CNTNAP2: variants seen among roughly 807,000 people sequenced by gnomAD.
CNTNAP2 encodes contactin associated protein 2.
CNTNAP2 carries 98 observed loss-of-function variants against 155.2 expected under a neutral mutation model. The observed-to-expected ratio is 0.63, with a 90% CI of 0.54 to 0.75. The LOEUF is 0.75. Among genes scored for constraint, CNTNAP2 ranks in the 30% least tolerant of loss-of-function variants. The pLI, the probability that CNTNAP2 is intolerant of heterozygous loss-of-function variation, is 0.00. For missense variants in CNTNAP2, 1,727 were observed against 1,688.1 expected (o/e 1.02, Z -0.40); for synonymous variants, 651 against 631.2 (o/e 1.03, Z -0.47).
chr7:146,930,261 A>G (rs901405198), intron 3 of CNTNAP2, among the ~76,000 whole-genome samples: 3 of 152,226 alleles, frequency 2.0e-5, no homozygotes, highest in African/African-American at 7.2e-5. Context: ...TCTACAAGCC[A>G]GAAGAGAGTG....
At chr7:147,277,089 T>C (rs1458231826) in intron 8 of CNTNAP2, among the ~76,000 whole-genome samples, 1 of 152,060 alleles carries the variant, frequency 6.6e-6, no homozygotes, top group Non-Finnish European at 1.5e-5. Flanking sequence ...CAGTAATTTA[T>C]CTTTATAAAA....
At chr7:146,231,211 G>A (rs1315699418) in intron 1 of CNTNAP2, among the ~76,000 whole-genome samples, 14 of 152,030 alleles carry the variant, frequency 9.2e-5, no homozygotes, top group Admixed American at 9.2e-4. Flanking sequence ...AATAGATATG[G>A]ATCAAGTAAG....
chr7:148,301,994 G>A (rs6972633), intron 21 of CNTNAP2, among the ~76,000 whole-genome samples: 1,702 of 152,300 alleles, frequency 0.011, 30 homozygotes, highest in African/African-American at 0.039. Flanking sequence ...TTACAAGACG[G>A]AAGCACAGCC....
chr7:147,683,052 A>G (rs956425645), intron 13 of CNTNAP2, among the ~76,000 whole-genome samples: 1 of 151,922 alleles, frequency 6.6e-6, no homozygotes, highest in Non-Finnish European at 1.5e-5. Flanking sequence ...AAATGGAATA[A>G]GAATTAAAAT....
At chr7:148,218,109 G>T (rs187340646) in intron 19 of CNTNAP2, among the ~76,000 whole-genome samples, 1 of 152,338 alleles carries the variant, frequency 6.6e-6, no homozygotes, top group African/African-American at 2.4e-5. Flanking sequence ...CTGGGCAACA[G>T]AGTGAGACCC....
intron 21 of CNTNAP2, among the ~76,000 whole-genome samples, chr7:148,345,005 G>A (rs74941069): frequency 0.012 from 1,817 of 152,336 alleles, 14 homozygotes; most frequent in Non-Finnish European, 0.018. Flanking sequence ...GTGGAGCCAT[G>A]GCTGGAAATT....
chr7:146,850,507 C>T lies in CNTNAP2; in HGVS notation c.402+10603C>T, dbSNP rs868805084. ...GGGGGTTCCTTAAGTGTTTAATGTG[C>T]TTTATATCATTTAATCTTAAAAACA... On this transcript the variant is annotated intron_variant, in intron 3 of 23. Transcript: ENST00000361727. 3.3e-5 allele frequency among the ~76,000 whole-genome samples: 5 copies of T among 152,108 alleles called. No homozygotes were observed. The South Asian group carries it at 6.2e-4, about 19-fold the overall frequency.
intron 21 of CNTNAP2, among the ~76,000 whole-genome samples, chr7:148,283,073 T>TA (rs1411551353): frequency 6.6e-6 from 1 of 150,646 alleles, no homozygotes; most frequent in Non-Finnish European, 1.5e-5. Context: ...CATCTCTACT[T>TA]TAAAAAACTA....
At chr7:147,044,570 T>A (rs1219787039) in intron 4 of CNTNAP2, among the ~76,000 whole-genome samples, 1 of 152,196 alleles carries the variant, frequency 6.6e-6, no homozygotes, top group Non-Finnish European at 1.5e-5. Flanking sequence ...TTTAATTTAT[T>A]TTTTCAAATT....
intron 21 of CNTNAP2, among the ~76,000 whole-genome samples, chr7:148,292,704 G>A (rs181030179): frequency 6.6e-6 from 1 of 152,274 alleles, no homozygotes; most frequent in East Asian, 1.9e-4. Context: ...CTAAAGGAGA[G>A]ATGGCTCGTG....
chr7:146,121,917 T>C (rs944144911), intron 1 of CNTNAP2, among the ~76,000 whole-genome samples: 3 of 152,200 alleles, frequency 2.0e-5, no homozygotes, highest in Non-Finnish European at 4.4e-5. Flanking sequence ...ATAATACTTG[T>C]AACAGAGTGA....
chr7:148,173,118 C>T (rs1159432470), intron 18 of CNTNAP2, among the ~76,000 whole-genome samples: 2 of 152,068 alleles, frequency 1.3e-5, no homozygotes. Flanking sequence ...TCCTTTAATC[C>T]CCAGTAGATT....
chr7:146,245,306 TAAC>T (rs1360671870), intron 1 of CNTNAP2, among the ~76,000 whole-genome samples: 4 of 152,148 alleles, frequency 2.6e-5, no homozygotes, highest in Middle Eastern at 6.8e-3. Context: ...TTGTGGGACT[TAAC>T]AAAGAGTGAG....
At chr7:146,626,504 AT>A (rs2129157753) in intron 1 of CNTNAP2, among the ~76,000 whole-genome samples, 1 of 152,230 alleles carries the variant, frequency 6.6e-6, no homozygotes, top group Non-Finnish European at 1.5e-5. Flanking sequence ...AGAGTTACTA[AT>A]TTTACTTTAG....
In CNTNAP2 at chr7:147,214,084, C is replaced by T. The variant is rs369622711; in HGVS notation, c.1348+81575C>T. On this transcript the variant is annotated intron_variant, in intron 8 of 23. Transcript: ENST00000361727. ...GAAAAACCCAGAAATAATCCCTTAC[C>T]GGTTCTCTTGGTAATTCTTAATCCA... Among the ~76,000 whole-genome samples, 21 of 152,198 alleles carry T rather than the reference C, an allele frequency of 1.4e-4. No homozygotes were observed. The East Asian group carries it at 1.9e-3, about 14-fold the overall frequency.
intron 1 of CNTNAP2, among the ~76,000 whole-genome samples, chr7:146,571,960 C>T (rs1293476094): frequency 1.3e-5 from 2 of 152,088 alleles, no homozygotes; most frequent in Non-Finnish European, 2.9e-5. Context: ...CTCAGATGAT[C>T]CCCCCACCTC....
intron 2 of CNTNAP2, among the ~76,000 whole-genome samples, chr7:146,807,534 ATAT>A (rs1479509442): frequency 1.3e-5 from 2 of 152,138 alleles, no homozygotes; most frequent in Non-Finnish European, 2.9e-5. Flanking sequence ...AAATCTATAA[ATAT>A]TATGCCAATT....
intron 1 of CNTNAP2, among the ~76,000 whole-genome samples, chr7:146,414,834 G>T (rs779013071): frequency 3.3e-5 from 5 of 152,070 alleles, no homozygotes; most frequent in Non-Finnish European, 7.4e-5. Context: ...TGAGAGAAAG[G>T]TCCCCTTTTG....
chr7:147,496,566 T>G (rs1313602153), intron 11 of CNTNAP2: 1 of 152,212 alleles, frequency 6.6e-6, no homozygotes, highest in African/African-American at 2.4e-5. Context: ...TAATTTTATA[T>G]TCTCTTGTGA....
Sources: allele counts gnomAD v4.1 joint callset (sites outside exome capture counted in the v4.1 genomes callset), GRCh38; gene constraint gnomAD v4.1.1; transcripts MANE v1.5; gene names NCBI Gene and HGNC (gene_info 2026-07-23, HGNC 2026-07-21).